The following PLCB3 variants were observed in gnomAD, a reference collection of about 807,000 sequenced individuals.
PLCB3 encodes the protein phospholipase C beta 3.
In PLCB3, 54 loss-of-function variants were observed where a neutral mutation model predicts 152.1. The observed-to-expected ratio is 0.36, with a 90% CI of 0.29 to 0.45. The LOEUF (loss-of-function observed/expected upper bound fraction) is 0.45. Among genes scored for constraint, PLCB3 ranks in the 20% least tolerant of loss-of-function variants. The pLI is 1.00. For missense variants in PLCB3, 1,248 were observed against 1,687.5 expected, an observed-to-expected ratio of 0.74 and a Z score of 4.56; for synonymous variants, 717 against 698.7, an observed-to-expected ratio of 1.03 and a Z score of -0.41.
Position 64,267,594 on chromosome 11 carries a change from G to C in PLCB3, c.*38G>C. 6.9e-7 allele frequency: 1 copy of C among 1,447,652 alleles called. No homozygotes were observed. The highest frequency in any genetic ancestry group is 9.4e-7 in the Non-Finnish European group (1 of 1,065,666). 89.7% of individuals were successfully genotyped at this position (1,447,652 alleles called of 1,614,324 possible). A position where few individuals can be genotyped will look rare whatever the true frequency, so the allele number is the denominator to read the frequency against. The stretch of plus-strand genomic sequence containing the variant: ...AGGTGGCCACAGGGCCAGGGCGGGC[G>C]CTGGGTGGAGGGCAGGAGGCAATGA... On this transcript the variant is annotated 3_prime_UTR_variant, in exon 31 of 31. Transcript: ENST00000279230. The surrounding 1 kb of genome is among the most constrained non-coding windows in gnomAD (Gnocchi z 5.2).
In PLCB3 at chr11:64,266,607, C is replaced by A. The variant is rs919582544; in HGVS notation, c.3414+55C>A. 6.5e-6 allele frequency: 10 copies of A among 1,542,008 alleles called. No homozygotes were observed. In the Admixed American group the frequency reaches 1.0e-4, roughly 15 times the overall value. Reference sequence around the variant, plus strand: ...CACCTCCCTTCCTTCACTCATCAGACACCCATCTCCATGCCTGGCCTGGTG... The same window carrying A: ...CACCTCCCTTCCTTCACTCATCAGAAACCCATCTCCATGCCTGGCCTGGTG... On this transcript the variant is annotated intron_variant, in intron 29 of 30. Coordinates refer to ENST00000279230, the MANE Select transcript of PLCB3 (RefSeq NM_000932.5). This position sits in a 1 kb window ranked among gnomAD's most constrained non-coding sequence, Gnocchi z 4.9.
At chr11:64,265,748 C>A in intron 25 of PLCB3, 138 bp from the exon 26 acceptor site, 1 of 1,271,932 alleles carries the variant, frequency 7.9e-7, no homozygotes, top group Non-Finnish European at 1.1e-6. Context: ...AGCTAACAGG[C>A]CTCCTGGTTT....
chr11:64,264,091 C>T lies in PLCB3; in HGVS notation c.2631C>T (p.Ala877=), dbSNP rs772242398. Residue 877 remains alanine, a synonymous_variant, in exon 22 of 31, where the codon GCC becomes GCT. Transcript: ENST00000279230. The part of the protein sequence containing the change: ...SLMDQRARQL[A]ALIGESEAQA... ...TGGACCAGAGGGCCCGGCAGCTGGCCGCCCTCATTGGGGAGAGTGAGGTGA... is the reference window on the plus strand; with the variant it reads ...TGGACCAGAGGGCCCGGCAGCTGGCTGCCCTCATTGGGGAGAGTGAGGTGA... 3.4e-5 allele frequency: 52 copies of T among 1,547,318 alleles called. No individual in the cohort carries two copies. The highest frequency in any genetic ancestry group is 4.2e-5 in the Non-Finnish European group (48 of 1,148,800).
rs774649681 is a variant in PLCB3 at position 64,256,628 on chromosome 11, C to T, written c.876C>T (p.Ser292=). ...NQQFLERDQM[S]MEGFSRYLGG... is the part of the protein sequence containing the mutation. ...CCTCTCCCACCCCAGACCAGATGTCCATGGAGGGCTTTAGCCGCTACCTGG... is the reference window on the plus strand; with the variant it reads ...CCTCTCCCACCCCAGACCAGATGTCTATGGAGGGCTTTAGCCGCTACCTGG... Residue 292 remains serine (S), a synonymous_variant, in exon 10 of 31, where the codon TCC becomes TCT. Transcript: ENST00000279230. 2 of 1,614,030 alleles carry T rather than the reference C, an allele frequency of 1.2e-6. No homozygotes were observed. The highest frequency in any genetic ancestry group is 4.5e-5 in the East Asian group (2 of 44,902).
chr11:64,254,349 C>T (rs2302263), intron 1 of PLCB3, 66 bp from the exon 2 acceptor site: 165,511 of 1,322,514 alleles, frequency 0.13, 16,170 homozygotes, highest in East Asian at 0.52. Flanking sequence ...GATGGGAGGG[C>T]CCCAGGGGCC....
intron 22 of PLCB3, among the ~76,000 whole-genome samples, chr11:64,264,430 G>T (rs1439610833): frequency 6.6e-6 from 1 of 152,176 alleles, no homozygotes; most frequent in African/African-American, 2.4e-5. Flanking sequence ...AGTGGCTTCC[G>T]TGGGGAGGGG....
chr11:64,254,585 G>A, intron 2 of PLCB3, 93 bp downstream of exon 2: 1 of 1,396,564 alleles, frequency 7.2e-7, no homozygotes, highest in Middle Eastern at 2.2e-4. Context: ...GCTGCAGGCT[G>A]ACCTCTCCCA....
In PLCB3 at chr11:64,258,046, C is replaced by A. The variant is rs1198695738; in HGVS notation, c.1013-427C>A. Among the ~76,000 whole-genome samples, 1 of 151,176 alleles carries A rather than the reference C, an allele frequency of 6.6e-6. No homozygotes were observed. Among genetic ancestry groups the A allele is most frequent in the Non-Finnish European group, 1.5e-5 (1 of 67,864 alleles). On this transcript the variant is annotated intron_variant, in intron 10 of 30. Coordinates refer to ENST00000279230, the MANE Select transcript of PLCB3 (RefSeq NM_000932.5). This position sits in a 1 kb window ranked among gnomAD's most constrained non-coding sequence, Gnocchi z 7.2. ...GTGGGCAACTGTAATCCCAGCTACT[C>A]GGGAGGCTGAGGCAGGAGAATCGCT... is the stretch of plus-strand genomic sequence containing the variant.
chr11:64,256,495 G>A lies in PLCB3; in HGVS notation c.818G>A (p.Arg273Gln), dbSNP rs770309709. Residue 273 changes from arginine (R) to glutamine (Q), a missense_variant, in exon 9 of 31, where the codon CGG (arginine) becomes CAG (glutamine). This residue lies in a region of PLCB3 where 299 missense variants were observed against 434.7 expected (regional missense o/e 0.69). Coordinates refer to ENST00000279230, the MANE Select transcript of PLCB3 (RefSeq NM_000932.5). ...LYPPLRPSQARLLIEKYEPNQ... is the reference protein window; with the variant it reads ...LYPPLRPSQAQLLIEKYEPNQ... ...CCGCCCCTGCGGCCCTCCCAGGCCCGGCTGCTCATCGAAAAGTATGAGCCC... is the reference window on the plus strand; with the variant it reads ...CCGCCCCTGCGGCCCTCCCAGGCCCAGCTGCTCATCGAAAAGTATGAGCCC... 10 of 1,613,848 alleles carry A rather than the reference G, an allele frequency of 6.2e-6. No homozygotes were observed. Among genetic ancestry groups the A allele is most frequent in the East Asian group, 2.2e-5 (1 of 44,868 alleles).
At position 64,258,803 on chromosome 11, in the gene PLCB3, G is replaced by A. The variant is rs972126620; in HGVS notation, c.1254-82G>A. Reference sequence around the variant, plus strand: ...GGACTGCTCAGGGACCTCCAACCCTGCGAACGGCCACTGACATGTCCCGTA... The same window carrying A: ...GGACTGCTCAGGGACCTCCAACCCTACGAACGGCCACTGACATGTCCCGTA... On this transcript the variant is annotated intron_variant, in intron 11 of 30. Transcript: ENST00000279230. This position sits in a 1 kb window ranked among gnomAD's most constrained non-coding sequence, Gnocchi z 7.2. The A allele has an allele frequency of 8.7e-6, 14 of 1,603,484 alleles. No homozygotes were observed. The highest frequency in any genetic ancestry group is 1.2e-5 in the Non-Finnish European group (14 of 1,171,246).
chr11:64,265,597 T>A lies in PLCB3; in HGVS notation c.3035+95T>A. 5.4e-6 allele frequency: 8 copies of A among 1,473,058 alleles called. No individual in the cohort carries two copies. In the South Asian group the frequency reaches 1.1e-4, roughly 20 times the overall value. 91.2% of individuals were successfully genotyped at this position (1,473,058 alleles called of 1,614,324 possible). A position where few individuals can be genotyped will look rare whatever the true frequency, so the allele number is the denominator to read the frequency against. On this transcript the variant is annotated intron_variant, in intron 25 of 30. Coordinates refer to ENST00000279230, the MANE Select transcript of PLCB3 (RefSeq NM_000932.5). ...ATGGAGAGATGGCAAGAGCTGCTCC[T>A]TGACCCCCAGGGAGGAGGGTTCAGT...
Position 64,267,085 on chromosome 11 carries a change from C to T in PLCB3, c.3415-100C>T. 2.9e-6 allele frequency: 3 copies of T among 1,024,944 alleles called. No homozygotes were observed. The highest frequency in any genetic ancestry group is 1.4e-5 in the South Asian group (1 of 71,232). 63.5% of individuals were successfully genotyped at this position (1,024,944 alleles called of 1,614,324 possible). ...CTGGGATTATAGATGTGAGCCACTG[C>T]ACCCGGCCTCGCCCACCTGACTTCT... On this transcript the variant is annotated intron_variant, in intron 29 of 30. Transcript: ENST00000279230. This position sits in a 1 kb window ranked among gnomAD's most constrained non-coding sequence, Gnocchi z 5.2.
rs1457346376 is a variant in PLCB3 at position 64,265,008 on chromosome 11, C to T, written c.2710C>T (p.Pro904Ser). The T allele has an allele frequency of 1.9e-6, 3 of 1,610,228 alleles. No homozygotes were observed. The highest frequency in any genetic ancestry group is 2.7e-5 in the African/African-American group (2 of 74,874). The change falls in exon 23 of 31, where the codon CCG becomes TCG. Residue 904 changes from proline (P) to serine (S), a missense_variant. Around this residue, in one of 6 missense-constraint regions of PLCB3, gnomAD observed 477 missense variants for 489.6 expected, o/e 0.97. Transcript: ENST00000279230. ...CCAGTCTCAGCAGCTGGGGTCTCAG[C>T]CGTCCTCAAACCCCACCCCCAGCCC... ...DTQSQQLGSQ[P>S]SSNPTPSPLD...
chr11:64,265,080 G>A lies in PLCB3; in HGVS notation c.2782G>A (p.Ala928Thr), dbSNP rs1394121034. ...GCCCCCTGGCCCCACCACCTCCCCT[G>A]CCAGCACCTCCCTCAGCAGCCCAGG... ...RRPPGPTTSP[A>T]STSLSSPGQR... The change falls in exon 23 of 31, where the codon GCC becomes ACC. Residue 928 changes from alanine to threonine, a missense_variant. By Grantham distance (58) the Ala-to-Thr change is moderately conservative. Around this residue, in one of 6 missense-constraint regions of PLCB3, gnomAD observed 477 missense variants for 489.6 expected, o/e 0.97. Transcript: ENST00000279230. The A allele has an allele frequency of 2.7e-6, 3 of 1,121,840 alleles. No individual in the cohort carries two copies. The highest frequency in any genetic ancestry group is 3.6e-5 in the Admixed American group (1 of 27,410). The allele number at this position is 1,121,840 out of a possible 1,614,324, so 69.5% of individuals were successfully genotyped here.
intron 10 of PLCB3, among the ~76,000 whole-genome samples, chr11:64,257,165 C>A (rs979152579): frequency 6.6e-6 from 1 of 152,196 alleles, no homozygotes; most frequent in Non-Finnish European, 1.5e-5. Flanking sequence ...CCACCACGCC[C>A]GGCTAATTTT....
intron 12 of PLCB3, 41 bp from the exon 13 acceptor site, chr11:64,259,017 C>T (rs1190022978): frequency 5.6e-6 from 9 of 1,612,350 alleles, no homozygotes; most frequent in East Asian, 2.2e-5. Flanking sequence ...CAGGGTGCTG[C>T]GGACCCGGTC....
downstream of PLCB3, among the ~76,000 whole-genome samples, chr11:64,268,156 G>C (rs200066657): frequency 5.9e-5 from 9 of 152,178 alleles, no homozygotes; most frequent in East Asian, 1.7e-3. Flanking sequence ...TCGTCTCTCC[G>C]AGGCTCTCCC....
chr11:64,262,570 T>C lies in PLCB3; in HGVS notation c.2193+9T>C, dbSNP rs200880616. ...ATGCCTTGCGGGTCAAGGTGGGGCT[T>C]GCGGGCGGCTCAGGCCAGGGGTGTC... On this transcript the variant is annotated intron_variant, in intron 18 of 30. Transcript: ENST00000279230. The C allele has an allele frequency of 2.4e-5, 38 of 1,612,920 alleles. No homozygotes were observed. In the East Asian group the frequency reaches 8.0e-4, roughly 34 times the overall value.
rs1419520120 is a variant in PLCB3 at position 64,265,415 on chromosome 11, G to A, written c.2948G>A (p.Arg983Gln). ...CGGGAGCTGCGCAAGAAGCATCAGC[G>A]GAAGGCAGTCACCCTCACCCGCCGC... The part of the protein sequence containing the change: ...DLRELRKKHQ[R>Q]KAVTLTRRLL... Residue 983 changes from arginine to glutamine, a missense_variant, in exon 25 of 31, where the codon CGG becomes CAG. Transcript: ENST00000279230. The A allele has an allele frequency of 4.3e-6, 7 of 1,612,120 alleles. 1 individual carries two copies. Among genetic ancestry groups the A allele is most frequent in the Admixed American group, 1.7e-5 (1 of 60,002 alleles).
Sources: gnomAD v4.1 joint callset for allele counts (sites outside exome capture counted in the v4.1 genomes callset) on GRCh38, gnomAD v4.1.1 for gene constraint, gnomAD v4.1.1 regional missense constraint, Gnocchi (gnomAD v3.1) non-coding constraint, MANE v1.5 for transcripts, NCBI Gene and HGNC (gene_info 2026-07-23, HGNC 2026-07-21) for gene names.